Variants in GPR158 observed in about 807,000 individuals in gnomAD.
GPR158 encodes the protein G protein-coupled receptor 158.
Under a neutral mutation model 78.2 loss-of-function variants are expected in GPR158, and 30 were observed. The ratio of observed to expected loss-of-function variants is 0.38; its 90% CI spans 0.29 to 0.52. The LOEUF (loss-of-function observed/expected upper bound fraction) is 0.52. GPR158 is among the 20% of genes least tolerant of loss of function. GPR158 has a pLI of 0.83. For missense variants in GPR158, 1,463 were observed against 1,523.5 expected, an observed-to-expected ratio of 0.96 and a Z score of 0.66; for synonymous variants, 581 against 591.1, an observed-to-expected ratio of 0.98 and a Z score of 0.25.
At chr10:25,316,420 T>C (rs1434224168) in intron 2 of GPR158, among the ~76,000 whole-genome samples, 3 of 152,210 alleles carry the variant, frequency 2.0e-5, no homozygotes, top group African/African-American at 4.8e-5. Flanking sequence ...TTCTAACAAC[T>C]TGGTGACCAT....
chr10:25,338,469 TTATACGTATAATATACGTATAA>T (rs1167138405), intron 2 of GPR158, among the ~76,000 whole-genome samples: 206 of 136,600 alleles, frequency 1.5e-3, no homozygotes, highest in Non-Finnish European at 2.5e-3. Flanking sequence ...ATTACGTATA[TTATACGTATAATATACGTATAA>T]TATACGTATA....
intron 2 of GPR158, among the ~76,000 whole-genome samples, chr10:25,289,578 G>T (rs12411653): frequency 1.3e-5 from 2 of 151,814 alleles, no homozygotes; most frequent in African/African-American, 4.8e-5. Context: ...GACTACAGGC[G>T]CCCACCACCA....
At chr10:25,367,540 T>G (rs1168417024) in intron 2 of GPR158, among the ~76,000 whole-genome samples, 5 of 151,844 alleles carry the variant, frequency 3.3e-5, no homozygotes, top group Non-Finnish European at 7.4e-5. Context: ...TGGAAGTTAT[T>G]ATAGCCATAG....
At chr10:25,378,818 G>T (rs551306134) in intron 2 of GPR158, among the ~76,000 whole-genome samples, 2 of 151,678 alleles carry the variant, frequency 1.3e-5, no homozygotes, top group African/African-American at 4.8e-5. Context: ...TTGAGACAGG[G>T]TTTTGCTTTG....
chr10:25,558,687 CTGAGT>C (rs1460271982), intron 6 of GPR158, among the ~76,000 whole-genome samples: 1 of 152,200 alleles, frequency 6.6e-6, no homozygotes, highest in East Asian at 1.9e-4. Flanking sequence ...TCCAAAACAA[CTGAGT>C]TGTGTTTTTA....
intron 1 of GPR158, among the ~76,000 whole-genome samples, chr10:25,185,905 A>C (rs562625688): frequency 3.3e-5 from 5 of 152,316 alleles, no homozygotes; most frequent in Admixed American, 1.3e-4. Flanking sequence ...TCTCTACCCC[A>C]AAACAACAGA....
chr10:25,449,424 A>G (rs1026691194), intron 4 of GPR158, among the ~76,000 whole-genome samples: 2 of 152,210 alleles, frequency 1.3e-5, no homozygotes, highest in Admixed American at 6.5e-5. Context: ...TCTTTCTGCT[A>G]AGGAAGTGAT....
intron 2 of GPR158, among the ~76,000 whole-genome samples, chr10:25,321,662 C>A (rs1309432835): frequency 6.6e-6 from 1 of 151,780 alleles, no homozygotes; most frequent in East Asian, 1.9e-4. Flanking sequence ...AACAAACAAA[C>A]AAACAAACAA....
rs558192635 is a variant in GPR158 at position 25,326,348 on chromosome 10, T to C, written c.1009-69563T>C. Among the ~76,000 whole-genome samples the C allele has an allele frequency of 4.5e-5, 6 of 132,206 alleles. No homozygotes were observed. In the East Asian group the frequency reaches 9.9e-4, roughly 22 times the overall value. 86.7% of individuals were successfully genotyped at this position (132,206 alleles called of 152,430 possible). A position where few individuals can be genotyped will look rare whatever the true frequency, so the allele number is the denominator to read the frequency against. On this transcript the variant is annotated intron_variant, in intron 2 of 10. Coordinates refer to ENST00000376351, the MANE Select transcript of GPR158 (RefSeq NM_020752.3). ...TATGTACCACATTTTCTTTATGTAG[T>C]CTATCATTGTTGCTTTACCCATTTT...
At chr10:25,421,075 A>C (rs1158738417) in intron 4 of GPR158, among the ~76,000 whole-genome samples, 1 of 152,192 alleles carries the variant, frequency 6.6e-6, no homozygotes, top group Admixed American at 6.5e-5. Flanking sequence ...AACAGTATTA[A>C]GTGTTCTAAT....
chr10:25,263,684 C>T (rs1442381102), intron 2 of GPR158, among the ~76,000 whole-genome samples: 1 of 152,108 alleles, frequency 6.6e-6, no homozygotes, highest in Non-Finnish European at 1.5e-5. Flanking sequence ...CACCTGTAAT[C>T]CCAGCACTTT....
intron 6 of GPR158, among the ~76,000 whole-genome samples, chr10:25,565,697 C>T (rs1030024305): frequency 6.6e-6 from 1 of 152,290 alleles, no homozygotes; most frequent in South Asian, 2.1e-4. Flanking sequence ...TTGTCTTTTA[C>T]ACATTAGGGG....
intron 4 of GPR158, among the ~76,000 whole-genome samples, chr10:25,425,544 G>A (rs1834808907): frequency 6.6e-6 from 1 of 151,322 alleles, no homozygotes; most frequent in Admixed American, 6.6e-5. Context: ...AAAAATGAAG[G>A]TAAATATATG....
rs1429438998 is a variant in GPR158, at chr10:25,600,234, G to A, written c.*960G>A. 2.6e-5 allele frequency: 4 copies of A among 152,576 alleles called. No individual in the cohort carries two copies. The highest frequency in any genetic ancestry group is 4.1e-4 in the South Asian group (2 of 4,832). 9.5% of individuals were successfully genotyped at this position (152,576 alleles called of 1,614,324 possible). On this transcript the variant is annotated 3_prime_UTR_variant, in exon 11 of 11. Transcript: ENST00000376351. ...ACAACTTATCCGTTGTTTATTCAAA[G>A]TCAGAGATAGATAACGCCTTCATTC...
At chr10:25,306,832 CT>C in intron 2 of GPR158, among the ~76,000 whole-genome samples, 1 of 152,166 alleles carries the variant, frequency 6.6e-6, no homozygotes, top group East Asian at 1.9e-4. Flanking sequence ...CATTTTTCAC[CT>C]GGTCTAATGA....
chr10:25,445,729 G>A (rs535964416), intron 4 of GPR158, among the ~76,000 whole-genome samples: 4 of 152,064 alleles, frequency 2.6e-5, no homozygotes, highest in African/African-American at 7.2e-5. Context: ...TGGTAGTGGC[G>A]GCGAGAGAGA....
At chr10:25,322,205 C>A (rs1423989154) in intron 2 of GPR158, among the ~76,000 whole-genome samples, 1 of 151,958 alleles carries the variant, frequency 6.6e-6, no homozygotes, top group Non-Finnish European at 1.5e-5. Context: ...CATGGTGAAA[C>A]CCCATCTCTA....
chr10:25,574,263 C>A (rs72790305), intron 7 of GPR158, among the ~76,000 whole-genome samples: 70,277 of 150,522 alleles, frequency 0.47, 16,797 homozygotes, highest in African/African-American at 0.54. Flanking sequence ...GCATTTGAGA[C>A]CTTTAAAAAA....
At chr10:25,590,530 C>T (rs1313752092) in intron 8 of GPR158, among the ~76,000 whole-genome samples, 2 of 152,168 alleles carry the variant, frequency 1.3e-5, no homozygotes, top group African/African-American at 4.8e-5. Flanking sequence ...CTCAAACAGC[C>T]TTGACATATT....
Sources: allele counts gnomAD v4.1 joint callset (sites outside exome capture counted in the v4.1 genomes callset), GRCh38; gene constraint gnomAD v4.1.1; transcripts MANE v1.5; gene names NCBI Gene and HGNC (gene_info 2026-07-23, HGNC 2026-07-21).